NBAS: variants seen among roughly 807,000 people sequenced by gnomAD.
The protein encoded by NBAS is NAG/BC035112 fusion.
NBAS carries 219 observed loss-of-function variants against 302.5 expected under a neutral mutation model. The ratio of observed to expected loss-of-function variants is 0.72; its 90% CI spans 0.65 to 0.81. The LOEUF (loss-of-function observed/expected upper bound fraction) is 0.81. Among genes scored for constraint, NBAS ranks in the 30% least tolerant of loss-of-function variants. NBAS has a pLI of 0.00. For synonymous variants in NBAS, 1,118 were observed against 1,021.6 expected, an observed-to-expected ratio of 1.09 and a Z score of -1.80; for missense variants, 2,932 against 2,841.6, an observed-to-expected ratio of 1.03 and a Z score of -0.72.
At chr2:14,807,704 G>A in the NBAS span, among the ~76,000 whole-genome samples, 3 of 152,110 alleles carry the variant, frequency 2.0e-5, no homozygotes, top group Non-Finnish European at 4.4e-5. Flanking sequence ...GCAAAGTGAT[G>A]CATCTATTTC....
At chr2:14,977,593 T>G in the NBAS span, among the ~76,000 whole-genome samples, 1 of 152,240 alleles carries the variant, frequency 6.6e-6, no homozygotes, top group Non-Finnish European at 1.5e-5. Context: ...CTGGCTTTAC[T>G]TTTTGTCCCT....
At chr2:14,854,874 A>G in the NBAS span, among the ~76,000 whole-genome samples, 1 of 152,190 alleles carries the variant, frequency 6.6e-6, no homozygotes, top group Non-Finnish European at 1.5e-5. Context: ...GGTGAGTCCT[A>G]GTGATGAAAT....
chr2:15,111,726 G>T, the NBAS span, among the ~76,000 whole-genome samples: 10 of 151,286 alleles, frequency 6.6e-5, no homozygotes, highest in African/African-American at 1.9e-4. Flanking sequence ...TAAAGAAAAA[G>T]AAAAAAATGA....
chr2:15,038,135 T>C, the NBAS span, among the ~76,000 whole-genome samples: 90 of 129,838 alleles, frequency 6.9e-4, no homozygotes, highest in Admixed American at 1.4e-3. Context: ...TTTTTTGACA[T>C]GTAGTCTTGC....
intron 21 of NBAS, among the ~76,000 whole-genome samples, chr2:15,443,397 A>T (rs1678545921): frequency 6.6e-6 from 1 of 152,044 alleles, no homozygotes; most frequent in Non-Finnish European, 1.5e-5. Flanking sequence ...ACCAAAGACA[A>T]AAACCACATG....
At chr2:14,791,338 CA>C in the NBAS span, among the ~76,000 whole-genome samples, 1 of 152,140 alleles carries the variant, frequency 6.6e-6, no homozygotes, top group African/African-American at 2.4e-5. Flanking sequence ...CCCTAGTATA[CA>C]GTTGTCTAGG....
chr2:15,016,542 A>G, the NBAS span, among the ~76,000 whole-genome samples: 1 of 152,192 alleles, frequency 6.6e-6, no homozygotes, highest in African/African-American at 2.4e-5. Flanking sequence ...AAATGACCAT[A>G]TTACCCAAAA....
At chr2:15,251,008 C>G (rs568973306) in intron 44 of NBAS, among the ~76,000 whole-genome samples, 1 of 152,218 alleles carries the variant, frequency 6.6e-6, no homozygotes, top group African/African-American at 2.4e-5. Context: ...CACATGCATA[C>G]GTATGTTTAC....
the NBAS span, among the ~76,000 whole-genome samples, chr2:14,882,882 T>C: frequency 2.0e-5 from 3 of 152,210 alleles, no homozygotes; most frequent in South Asian, 2.1e-4. Context: ...ACTCTGTCCA[T>C]AGAGACTCAT....
the NBAS span, among the ~76,000 whole-genome samples, chr2:14,965,184 A>G: frequency 2.0e-5 from 3 of 152,144 alleles, no homozygotes; most frequent in African/African-American, 4.8e-5. Flanking sequence ...AGTAAAGATC[A>G]CAATGGAAAT....
the NBAS span, among the ~76,000 whole-genome samples, chr2:14,856,705 C>T: frequency 4.6e-5 from 7 of 151,378 alleles, no homozygotes; most frequent in African/African-American, 1.7e-4. Flanking sequence ...ATTGATCAAG[C>T]AGAAGAAAGA....
chr2:15,274,376 AGGGTACT>A (rs1669470409), intron 44 of NBAS, among the ~76,000 whole-genome samples: 1 of 152,200 alleles, frequency 6.6e-6, no homozygotes, highest in Non-Finnish European at 1.5e-5. Context: ...TCTTTGCGAT[AGGGTACT>A]GGGCAGACCT....
the NBAS span, among the ~76,000 whole-genome samples, chr2:14,871,218 T>A: frequency 1.4e-5 from 2 of 139,218 alleles, no homozygotes; most frequent in African/African-American, 2.6e-5. Flanking sequence ...AGGAGAAAGA[T>A]GAGGGAAGAG....
At chr2:15,122,966 T>C in the NBAS span, among the ~76,000 whole-genome samples, 2 of 152,176 alleles carry the variant, frequency 1.3e-5, no homozygotes, top group Non-Finnish European at 2.9e-5. Flanking sequence ...TCCCTCTTGC[T>C]GGGTGAAAAC....
At chr2:15,297,876 CTGTGTG>C (rs942796731) in intron 40 of NBAS, among the ~76,000 whole-genome samples, 1 of 151,490 alleles carries the variant, frequency 6.6e-6, no homozygotes. Context: ...GTGTGTGTGT[CTGTGTG>C]TGTGTGTAAA....
At chr2:14,885,443 G>A in the NBAS span, among the ~76,000 whole-genome samples, 1 of 152,078 alleles carries the variant, frequency 6.6e-6, no homozygotes, top group African/African-American at 2.4e-5. Context: ...TGAATGAGGG[G>A]GAGGCAGCAT....
the NBAS span, among the ~76,000 whole-genome samples, chr2:14,880,159 C>G: frequency 6.6e-6 from 1 of 152,012 alleles, no homozygotes; most frequent in Non-Finnish European, 1.5e-5. Flanking sequence ...ATTTAAAAAC[C>G]ATATACAGAT....
chr2:15,490,815 C>A (rs1379070939), intron 11 of NBAS, among the ~76,000 whole-genome samples: 1 of 152,154 alleles, frequency 6.6e-6, no homozygotes, highest in South Asian at 2.1e-4. Flanking sequence ...CTAGTAGTCA[C>A]GAGCATGCCC....
the NBAS span, among the ~76,000 whole-genome samples, chr2:15,120,332 G>A: frequency 2.8e-4 from 42 of 152,084 alleles, no homozygotes; most frequent in East Asian, 1.9e-3. Context: ...TGTGGATATC[G>A]TTATCCCCAT....
Sources: allele counts gnomAD v4.1 joint callset (sites outside exome capture counted in the v4.1 genomes callset), GRCh38; gene constraint gnomAD v4.1.1; transcripts MANE v1.5; gene names NCBI Gene and HGNC (gene_info 2026-07-23, HGNC 2026-07-21).